Variants in CCDC198 observed in about 807,000 individuals in gnomAD.
The protein encoded by CCDC198 is coiled-coil domain containing 198.
A neutral mutation model predicts 35.6 loss-of-function variants in CCDC198; 18 were observed. That is an observed-to-expected ratio of 0.51 (90% CI 0.35 to 0.75). CCDC198 has a LOEUF of 0.75. Ranked by LOEUF, CCDC198 falls within the 30% of genes least tolerant of loss-of-function variation. The pLI, the probability that CCDC198 is intolerant of heterozygous loss-of-function variation, is 0.01. For missense variants in CCDC198, 365 were observed against 343.7 expected, an observed-to-expected ratio of 1.06 and a Z score of -0.49; for synonymous variants, 119 against 113.4, an observed-to-expected ratio of 1.05 and a Z score of -0.31.
At chr14:57,485,967 G>T (rs1034631449) in intron 2 of CCDC198, among the ~76,000 whole-genome samples, 15 of 152,128 alleles carry the variant, frequency 9.9e-5, no homozygotes, top group African/African-American at 3.4e-4. Flanking sequence ...TAACTCTGCA[G>T]GACATGAAGA....
Position 57,475,655 on chromosome 14 carries a change from C to T in CCDC198, c.656-4065G>A, listed in dbSNP as rs765473734. ...TTGGGAGGCGAAGTTTGCGGTGAGCCGAGATCATGCCATTGCACTCCAGCC... is the reference window on the plus strand; with the variant it reads ...TTGGGAGGCGAAGTTTGCGGTGAGCTGAGATCATGCCATTGCACTCCAGCC... On this transcript the variant is annotated intron_variant, in intron 5 of 5. Coordinates refer to ENST00000216445, the MANE Select transcript of CCDC198 (RefSeq NM_018168.4). 7.4e-5 allele frequency: 30 copies of T among 403,612 alleles called. No homozygotes were observed. In the East Asian group the frequency reaches 9.6e-4, roughly 13 times the overall value. The allele number at this position is 403,612 out of a possible 1,614,324, so 25.0% of individuals were successfully genotyped here.
chr14:57,478,601 T>C, intron 5 of CCDC198: 3 of 987,094 alleles, frequency 3.0e-6, no homozygotes, highest in Non-Finnish European at 2.4e-6. Context: ...CTGGTTTTTC[T>C]TGGCGTGCTC....
chr14:57,493,146 G>A (rs543780026), intron 1 of CCDC198, among the ~76,000 whole-genome samples: 2 of 152,236 alleles, frequency 1.3e-5, no homozygotes, highest in Non-Finnish European at 2.9e-5. Flanking sequence ...ACTGAAACGC[G>A]ATTGCTATCA....
At position 57,469,875 on chromosome 14, in the gene CCDC198, T is replaced by C. The variant is rs911332977; in HGVS notation, c.*1480A>G. ...TGTTTTCCTCTATTTTTTTCTGTTTTTGGAGTCTTCCCATATAAGGCACAA... is the reference window on the plus strand; with the variant it reads ...TGTTTTCCTCTATTTTTTTCTGTTTCTGGAGTCTTCCCATATAAGGCACAA... On this transcript the variant is annotated 3_prime_UTR_variant, in exon 6 of 6. Transcript: ENST00000216445. 2 of 152,236 alleles carry C rather than the reference T, an allele frequency of 1.3e-5. No individual in the cohort carries two copies. The highest frequency in any genetic ancestry group is 4.8e-5 in the African/African-American group (2 of 41,460). 9.4% of individuals were successfully genotyped at this position (152,236 alleles called of 1,614,324 possible).
At chr14:57,486,361 T>G (rs1317023631) in intron 2 of CCDC198, among the ~76,000 whole-genome samples, 1 of 152,110 alleles carries the variant, frequency 6.6e-6, no homozygotes, top group Non-Finnish European at 1.5e-5. Flanking sequence ...GTTGAACAGC[T>G]AGAAAGTGGC....
chr14:57,485,008 T>C (rs989129866), intron 2 of CCDC198, among the ~76,000 whole-genome samples: 6 of 151,874 alleles, frequency 4.0e-5, no homozygotes, highest in African/African-American at 1.5e-4. Flanking sequence ...TAAAGGGGAG[T>C]AGAGTCCACA....
At chr14:57,482,937 A>C in intron 3 of CCDC198, 128 bp downstream of exon 3, 1 of 1,297,262 alleles carries the variant, frequency 7.7e-7, no homozygotes, top group Admixed American at 2.1e-5. Context: ...TGAATGACTT[A>C]ACAGTTTGAT....
chr14:57,485,942 C>G (rs2067344106), intron 2 of CCDC198, among the ~76,000 whole-genome samples: 1 of 152,154 alleles, frequency 6.6e-6, no homozygotes, highest in Non-Finnish European at 1.5e-5. Context: ...AGGAGTTTGT[C>G]TGTTCCCTGA....
intron 2 of CCDC198, among the ~76,000 whole-genome samples, chr14:57,487,134 C>T (rs557001868): frequency 2.6e-5 from 4 of 152,248 alleles, no homozygotes; most frequent in Non-Finnish European, 5.9e-5. Context: ...AAGTGAGATG[C>T]CTCACTTCAT....
Position 57,469,950 on chromosome 14 carries a change from A to G in CCDC198, c.*1405T>C, listed in dbSNP as rs1322465947. The G allele has an allele frequency of 6.6e-6, 1 of 152,174 alleles. No individual in the cohort carries two copies. The highest frequency in any genetic ancestry group is 2.4e-5 in the African/African-American group (1 of 41,452). The allele number at this position is 152,174 out of a possible 1,614,324, so 9.4% of individuals were successfully genotyped here. A position where few individuals can be genotyped will look rare whatever the true frequency, so the allele number is the denominator to read the frequency against. On this transcript the variant is annotated 3_prime_UTR_variant, in exon 6 of 6. Transcript: ENST00000216445. ...TTTAAAGCTTTAATAAATTCTTGGA[A>G]GATTCTGGATTGCTTGAAATTATTT... is the stretch of plus-strand genomic sequence containing the variant.
chr14:57,471,280 T>C lies in CCDC198; in HGVS notation c.*75A>G. The C allele has an allele frequency of 1.9e-6, 2 of 1,047,690 alleles. No homozygotes were observed. The highest frequency in any genetic ancestry group is 2.9e-6 in the Non-Finnish European group (2 of 700,820). The allele number at this position is 1,047,690 out of a possible 1,614,324, so 64.9% of individuals were successfully genotyped here. A position where few individuals can be genotyped will look rare whatever the true frequency, so the allele number is the denominator to read the frequency against. On this transcript the variant is annotated 3_prime_UTR_variant, in exon 6 of 6. Coordinates refer to ENST00000216445, the MANE Select transcript of CCDC198 (RefSeq NM_018168.4). ...GATTTGCTGTCCTCAAAGTAATTCA[T>C]ATATCAGTTTGGAAGATTTTGAGAG...
intron 1 of CCDC198, 55 bp downstream of exon 1, chr14:57,493,438 T>C (rs2139578765): frequency 2.1e-6 from 3 of 1,420,454 alleles, no homozygotes; most frequent in Non-Finnish European, 2.0e-6. Context: ...GATAAACCTA[T>C]TAATAATGCT....
chr14:57,489,536 A>G lies in CCDC198; in HGVS notation c.306+1453T>C, dbSNP rs78424987. ...GTACCCCTGAACTTAAAAGTTGAAGAAAAAAAAGGCACAGTCTTTGCACTG... is the reference window on the plus strand; with the variant it reads ...GTACCCCTGAACTTAAAAGTTGAAGGAAAAAAAGGCACAGTCTTTGCACTG... On this transcript the variant is annotated intron_variant, in intron 2 of 5. Transcript: ENST00000216445. Among the ~76,000 whole-genome samples, 19 of 152,080 alleles carry G rather than the reference A, an allele frequency of 1.2e-4. No individual in the cohort carries two copies. In the East Asian group the frequency reaches 2.9e-3, roughly 23 times the overall value.
Position 57,470,355 on chromosome 14 carries a change from GAC to G in CCDC198, c.*998_*999del, listed in dbSNP as rs2139448955. The G allele has an allele frequency of 1.3e-5, 2 of 152,168 alleles. No individual in the cohort carries two copies. Among genetic ancestry groups the G allele is most frequent in the South Asian group, 4.1e-4 (2 of 4,820 alleles). 9.4% of individuals were successfully genotyped at this position (152,168 alleles called of 1,614,324 possible). A position where few individuals can be genotyped will look rare whatever the true frequency, so the allele number is the denominator to read the frequency against. On this transcript the variant is annotated 3_prime_UTR_variant, in exon 6 of 6. Transcript: ENST00000216445. ...TTGGTTTTTTGTTTTTTAATTTTGAGACAGAGTCTCATTCTGTCGCCCAGGCT... is the reference window on the plus strand; with the variant it reads ...TTGGTTTTTTGTTTTTTAATTTTGAGAGAGTCTCATTCTGTCGCCCAGGCT...
At chr14:57,478,480 G>C (rs148020395) in intron 5 of CCDC198, 2 of 986,090 alleles carry the variant, frequency 2.0e-6, no homozygotes, top group South Asian at 4.7e-5. Context: ...TGAACAAAAC[G>C]AAGCAGCTTT....
intron 1 of CCDC198, among the ~76,000 whole-genome samples, chr14:57,492,265 G>C (rs1484184267): frequency 6.6e-6 from 1 of 151,922 alleles, no homozygotes; most frequent in Non-Finnish European, 1.5e-5. Context: ...GAGATCATGA[G>C]GATTCTCATG....
At chr14:57,475,962 T>C (rs947631399) in intron 5 of CCDC198, among the ~76,000 whole-genome samples, 3 of 151,546 alleles carry the variant, frequency 2.0e-5, no homozygotes, top group Non-Finnish European at 2.9e-5. Flanking sequence ...CCACCACTCC[T>C]GGCTAATTTT....
intron 2 of CCDC198, among the ~76,000 whole-genome samples, chr14:57,484,556 A>G (rs542799181): frequency 1.3e-5 from 2 of 152,322 alleles, no homozygotes; most frequent in Admixed American, 6.5e-5. Flanking sequence ...TTAAGGTAGT[A>G]CCTTTTTAGT....
Position 57,488,373 on chromosome 14 carries a change from A to G in CCDC198, c.306+2616T>C, listed in dbSNP as rs1228383256. Among the ~76,000 whole-genome samples the G allele has an allele frequency of 2.0e-5, 3 of 152,330 alleles. No individual in the cohort carries two copies. In the East Asian group the frequency reaches 5.8e-4, roughly 29 times the overall value. On this transcript the variant is annotated intron_variant, in intron 2 of 5. Transcript: ENST00000216445. The stretch of plus-strand genomic sequence containing the variant: ...TTTGCTAGTCAATGAGACTTCTAAT[A>G]CAGTCATGTTACAGTGATGGTACAG...
Sources: allele counts gnomAD v4.1 joint callset (sites outside exome capture counted in the v4.1 genomes callset), GRCh38; gene constraint gnomAD v4.1.1; transcripts MANE v1.5; gene names NCBI Gene and HGNC (gene_info 2026-07-23, HGNC 2026-07-21).